NXN: variants seen among roughly 807,000 people sequenced by gnomAD.
NXN encodes the protein nucleoredoxin, also known as nucleoredoxin 1.
Under a neutral mutation model 48.6 loss-of-function variants are expected in NXN, and 16 were observed. That is an observed-to-expected ratio of 0.33 (90% CI 0.22 to 0.50). NXN has a LOEUF of 0.50. Ranked by LOEUF, NXN falls within the 20% of genes least tolerant of loss-of-function variation. The pLI is 0.98. For synonymous variants in NXN, 281 were observed against 269.6 expected, an observed-to-expected ratio of 1.04 and a Z score of -0.41; for missense variants, 492 against 605.5, an observed-to-expected ratio of 0.81 and a Z score of 1.97.
chr17:908,353 T>C (rs1231031138), intron 1 of NXN, among the ~76,000 whole-genome samples: 1 of 151,904 alleles, frequency 6.6e-6, no homozygotes, highest in African/African-American at 2.4e-5. Flanking sequence ...CTGGCCAACA[T>C]GGTGAAACCC....
intron 1 of NXN, among the ~76,000 whole-genome samples, chr17:927,465 C>T (rs550181900): frequency 4.0e-4 from 59 of 147,962 alleles, no homozygotes; most frequent in Non-Finnish European, 6.5e-4. Flanking sequence ...AATAATCAGG[C>T]GTGGTGGTGC....
At chr17:865,943 A>AGTC (rs2068091295) in intron 1 of NXN, among the ~76,000 whole-genome samples, 1 of 152,060 alleles carries the variant, frequency 6.6e-6, no homozygotes, top group Non-Finnish European at 1.5e-5. Flanking sequence ...AGATCGCGGC[A>AGTC]TTGCACTCCA....
At chr17:907,000 C>G (rs550438863) in intron 1 of NXN, among the ~76,000 whole-genome samples, 2 of 152,248 alleles carry the variant, frequency 1.3e-5, no homozygotes, top group East Asian at 3.9e-4. Flanking sequence ...ACACACCTGT[C>G]CTTCCTTCCC....
chr17:835,068 G>A (rs1465109945), intron 1 of NXN, among the ~76,000 whole-genome samples: 1 of 151,566 alleles, frequency 6.6e-6, no homozygotes, highest in Non-Finnish European at 1.5e-5. Context: ...CAGCACTTTG[G>A]GAGGCCGAGG....
chr17:974,516 A>G (rs1597292344), intron 1 of NXN, among the ~76,000 whole-genome samples: 3 of 152,148 alleles, frequency 2.0e-5, no homozygotes, highest in East Asian at 1.9e-4. Context: ...CACTCACCAC[A>G]TGCCAGGCAC....
At chr17:824,040 T>G (rs1912963464) in intron 2 of NXN, among the ~76,000 whole-genome samples, 1 of 107,264 alleles carries the variant, frequency 9.3e-6, no homozygotes, top group Admixed American at 8.7e-5. Flanking sequence ...AGGGACATTT[T>G]TTTTTTTTTT....
intron 1 of NXN, among the ~76,000 whole-genome samples, chr17:900,116 T>C (rs576301278): frequency 1.2e-3 from 179 of 151,634 alleles, no homozygotes; most frequent in Non-Finnish European, 2.1e-3. Flanking sequence ...AAATACAAAA[T>C]TAGCGGGGTG....
chr17:978,114 G>A lies in NXN; in HGVS notation c.360+1205C>T, dbSNP rs1026768516. On this transcript the variant is annotated intron_variant, in intron 1 of 7. Transcript: ENST00000336868. This position sits in a 1 kb window ranked among gnomAD's most constrained non-coding sequence, Gnocchi z 4.1. ...AAATCATGCTTCTCAACAAGATTCT[G>A]CACATATAAAAGGAACACGTGGCAC... Among the ~76,000 whole-genome samples, 7 of 152,120 alleles carry A rather than the reference G, an allele frequency of 4.6e-5. No homozygotes were observed. The highest frequency in any genetic ancestry group is 1.7e-4 in the African/African-American group (7 of 41,416).
intron 1 of NXN, among the ~76,000 whole-genome samples, chr17:922,976 G>T (rs915042402): frequency 6.6e-6 from 1 of 151,958 alleles, no homozygotes; most frequent in African/African-American, 2.4e-5. Context: ...ACAAGGTGCC[G>T]TGTGTGGCTC....
intron 1 of NXN, among the ~76,000 whole-genome samples, chr17:861,035 C>T (rs2068034876): frequency 6.6e-6 from 1 of 152,216 alleles, no homozygotes; most frequent in Admixed American, 6.6e-5. Context: ...GAGAGGAACA[C>T]AGATACGGAC....
At chr17:945,617 T>G (rs2069034463) in intron 1 of NXN, among the ~76,000 whole-genome samples, 2 of 126,072 alleles carry the variant, frequency 1.6e-5, no homozygotes, top group Admixed American at 8.7e-5. Context: ...GGCGAGAGAG[T>G]GACTCCGTCT....
intron 1 of NXN, among the ~76,000 whole-genome samples, chr17:938,788 G>A (rs1296264545): frequency 2.0e-5 from 3 of 152,086 alleles, no homozygotes; most frequent in African/African-American, 2.4e-5. Flanking sequence ...GGCTGGGCGC[G>A]GTGGCTCATG....
At chr17:808,439 G>A (rs550718719) in intron 5 of NXN, among the ~76,000 whole-genome samples, 2 of 151,690 alleles carry the variant, frequency 1.3e-5, no homozygotes, top group East Asian at 3.9e-4. Flanking sequence ...AGTAGCTGGG[G>A]TTACAGGTAC....
chr17:840,811 C>G (rs552523543), intron 1 of NXN, among the ~76,000 whole-genome samples: 52 of 152,314 alleles, frequency 3.4e-4, no homozygotes, highest in African/African-American at 1.2e-3. Flanking sequence ...TCCATCCTAA[C>G]CTGTTGCTCC....
chr17:965,576 G>A (rs1329524533), intron 1 of NXN, among the ~76,000 whole-genome samples: 1 of 152,154 alleles, frequency 6.6e-6, no homozygotes, highest in Non-Finnish European at 1.5e-5. Context: ...TTTGGAATCG[G>A]CTGGATTTGA....
At chr17:803,444 C>T (rs796726419) in intron 7 of NXN, among the ~76,000 whole-genome samples, 6 of 152,348 alleles carry the variant, frequency 3.9e-5, no homozygotes, top group East Asian at 3.9e-4. Context: ...AGCCTGGGGA[C>T]GGCTCCCTGC....
At chr17:946,402 C>T (rs2069044300) in intron 1 of NXN, among the ~76,000 whole-genome samples, 1 of 152,130 alleles carries the variant, frequency 6.6e-6, no homozygotes, top group African/African-American at 2.4e-5. Context: ...CTCTTGACCT[C>T]GTGATCCGCC....
intron 1 of NXN, among the ~76,000 whole-genome samples, chr17:921,269 T>G (rs1015430967): frequency 6.6e-6 from 1 of 152,060 alleles, no homozygotes; most frequent in Non-Finnish European, 1.5e-5. Context: ...GCAACCTCTA[T>G]GTTCCTCTGG....
chr17:927,446 A>G (rs1597248571), intron 1 of NXN, among the ~76,000 whole-genome samples: 1 of 152,056 alleles, frequency 6.6e-6, no homozygotes, highest in Non-Finnish European at 1.5e-5. Flanking sequence ...CCGTCTCCAC[A>G]GAAAATAAAA....
Sources: allele counts gnomAD v4.1 joint callset (sites outside exome capture counted in the v4.1 genomes callset), GRCh38; gene constraint gnomAD v4.1.1; non-coding constraint Gnocchi (gnomAD v3.1); transcripts MANE v1.5; gene names NCBI Gene and HGNC (gene_info 2026-07-23, HGNC 2026-07-21).